The following TRIM77 variants were observed in gnomAD, a reference collection of about 807,000 sequenced individuals.
The protein encoded by TRIM77 is tripartite motif-containing protein 77.
In TRIM77, 23 loss-of-function variants were observed where a neutral mutation model predicts 31.8. That is an observed-to-expected ratio of 0.72 (90% confidence interval 0.52 to 1.02). The LOEUF (loss-of-function observed/expected upper bound fraction) is 1.02. Ranked by LOEUF, TRIM77 falls within the 50% of genes least tolerant of loss-of-function variation. The pLI is 0.00. For synonymous variants in TRIM77, 159 were observed against 183.1 expected (o/e 0.87, Z 1.06); for missense variants, 446 against 539.2 (o/e 0.83, Z 1.71).
Position 89,717,831 on chromosome 11 carries a change from T to C in TRIM77, c.1312T>C (p.Tyr438His). 2 of 1,548,882 alleles carry C rather than the reference T, an allele frequency of 1.3e-6. No individual in the cohort carries two copies. Among genetic ancestry groups the C allele is most frequent in the Non-Finnish European group, 1.7e-6 (2 of 1,145,602 alleles). The change falls in exon 6 of 6, where the codon TAT (tyrosine) becomes CAT (histidine). Residue 438 changes from tyrosine (Y) to histidine (H), a missense_variant. By Grantham distance (83) the Tyr-to-His change is moderately conservative. Transcript: ENST00000398290. ...TTGTAGTTTCCTCTCACGCATCTTC[T>C]ATTTTCCTCTCAGACCTTTCATTTG... ...LICSFLSRIFYFPLRPFICHG... is the reference protein window; with the variant it reads ...LICSFLSRIFHFPLRPFICHG...
rs535496563 is a variant in TRIM77 at position 89,712,973 on chromosome 11, A to C, written c.508-1219A>C. On this transcript the variant is annotated intron_variant, in intron 2 of 5. Transcript: ENST00000398290. ...AAGGTGGTATGGAAAGAAGGGAAAAACTGTGAAAAAGTAATTGAGGTCCGG... is the reference window on the plus strand; with the variant it reads ...AAGGTGGTATGGAAAGAAGGGAAAACCTGTGAAAAAGTAATTGAGGTCCGG... Among the ~76,000 whole-genome samples, 11 of 152,212 alleles carry C rather than the reference A, an allele frequency of 7.2e-5. No individual in the cohort carries two copies. In the South Asian group the frequency reaches 2.3e-3, roughly 32 times the overall value.
chr11:89,713,143 G>T (rs577995022), intron 2 of TRIM77, among the ~76,000 whole-genome samples: 1 of 151,688 alleles, frequency 6.6e-6, no homozygotes, highest in Admixed American at 6.6e-5. Flanking sequence ...ATGGTGGTGT[G>T]CGCCTGTAGT....
chr11:89,710,645 C>T lies in TRIM77; in HGVS notation c.347C>T (p.Ser116Phe). The T allele has an allele frequency of 6.4e-7, 1 of 1,551,002 alleles. No homozygotes were observed. Among genetic ancestry groups the T allele is most frequent in the Admixed American group, 2.0e-5 (1 of 50,956 alleles). Residue 116 changes from serine to phenylalanine, a missense_variant, in exon 1 of 6, where the codon TCT (serine) becomes TTT (phenylalanine). This residue lies in a region of TRIM77 where 366 missense variants were observed against 447.9 expected (regional missense o/e 0.82). Coordinates refer to ENST00000398290, the MANE Select transcript of TRIM77 (RefSeq NM_001146162.1). ...AGGAGCCTGCTGTGTTTTCTATGCT[C>T]TCAATCCCCAAGGCATGCTACTCAC... is the stretch of plus-strand genomic sequence containing the variant. ...TDRSLLCFLC[S>F]QSPRHATHKH...
At chr11:89,715,093 T>C (rs915873417) in intron 3 of TRIM77, 65 bp from the exon 4 acceptor site, 2 of 1,480,804 alleles carry the variant, frequency 1.4e-6, no homozygotes, top group Non-Finnish European at 1.8e-6. Context: ...TCAGACTGCA[T>C]GTCTAGGATA....
chr11:89,710,880 G>A (rs1406264573), intron 1 of TRIM77, among the ~76,000 whole-genome samples, 171 bp downstream of exon 1: 2 of 152,168 alleles, frequency 1.3e-5, no homozygotes, highest in Non-Finnish European at 2.9e-5. Context: ...ATAAAGCACT[G>A]AAGAAACCAA....
In TRIM77 at chr11:89,715,026, C is replaced by T. The variant is rs1021807806; in HGVS notation, c.739-132C>T. The T allele has an allele frequency of 5.2e-6, 4 of 770,116 alleles. No individual in the cohort carries two copies. In the African/African-American group the frequency reaches 5.3e-5, roughly 10 times the overall value. 47.7% of individuals were successfully genotyped at this position (770,116 alleles called of 1,614,324 possible). A position where few individuals can be genotyped will look rare whatever the true frequency, so the allele number is the denominator to read the frequency against. On this transcript the variant is annotated intron_variant, in intron 3 of 5. Coordinates refer to ENST00000398290, the MANE Select transcript of TRIM77 (RefSeq NM_001146162.1). ...ATAAAGAAAAAGAAAATGAAAAATG[C>T]CTTTATCCAAAGAAGGAAAGTGGAA...
chr11:89,717,310 C>T, intron 5 of TRIM77, 69 bp from the exon 6 acceptor site: 1 of 1,382,974 alleles, frequency 7.2e-7, no homozygotes, highest in Non-Finnish European at 9.6e-7. Context: ...ATTTGCCAGA[C>T]TGCCTCTGCA....
chr11:89,715,282 T>G, intron 4 of TRIM77, 102 bp downstream of exon 4: 1 of 1,093,828 alleles, frequency 9.1e-7, no homozygotes, highest in Non-Finnish European at 1.4e-6. Flanking sequence ...CTGTCTGTAT[T>G]TATTCCTTTC....
intron 5 of TRIM77, 132 bp downstream of exon 5, chr11:89,716,119 C>A (rs185955129): frequency 1.0e-4 from 46 of 462,028 alleles, no homozygotes; most frequent in African/African-American, 6.0e-4. Flanking sequence ...AATATGGAAA[C>A]CTTTATAACC....
chr11:89,710,943 A>G (rs576538803), intron 1 of TRIM77, among the ~76,000 whole-genome samples: 2 of 152,306 alleles, frequency 1.3e-5, no homozygotes, highest in Non-Finnish European at 2.9e-5. Flanking sequence ...GAGAAGAATG[A>G]TGATAAAGTT....
At chr11:89,713,321 C>T (rs531167945) in intron 2 of TRIM77, among the ~76,000 whole-genome samples, 125 of 146,756 alleles carry the variant, frequency 8.5e-4, no homozygotes, top group African/African-American at 3.0e-3. Context: ...CCTGGCATGG[C>T]GGCATGTGTC....
chr11:89,710,456 C>G lies in TRIM77; in HGVS notation c.158C>G (p.Pro53Arg), dbSNP rs767798588. The change falls in exon 1 of 6, where the codon CCT (proline) becomes CGT (arginine). Residue 53 changes from proline to arginine, a missense_variant. This residue lies in a region of TRIM77 where 72 missense variants were observed against 64.7 expected (regional missense o/e 1.11). Coordinates refer to ENST00000398290, the MANE Select transcript of TRIM77 (RefSeq NM_001146162.1). ...WEDTLTPNCC[P>R]VCREISQQMY... is the part of the protein sequence containing the mutation. ...GATACACTAACTCCTAATTGCTGCC[C>G]TGTGTGCAGGGAAATATCACAGCAA... 21 of 1,551,672 alleles carry G rather than the reference C, an allele frequency of 1.4e-5. No individual in the cohort carries two copies. The highest frequency in any genetic ancestry group is 1.7e-5 in the Non-Finnish European group (20 of 1,146,948).
In TRIM77 at chr11:89,717,367, C is replaced by A; in HGVS notation, c.860-12C>A. ...ACTGTTTTTTTGCATTCACTGTTTT[C>A]TTTTGCCATAGTGTATATCACCTTG... On this transcript the variant is annotated splice_polypyrimidine_tract_variant and intron_variant, in intron 5 of 5. Transcript: ENST00000398290. 1 of 1,518,078 alleles carries A rather than the reference C, an allele frequency of 6.6e-7. No homozygotes were observed. The highest frequency in any genetic ancestry group is 8.9e-7 in the Non-Finnish European group (1 of 1,129,566). 94.0% of individuals were successfully genotyped at this position (1,518,078 alleles called of 1,614,324 possible).
intron 5 of TRIM77, among the ~76,000 whole-genome samples, chr11:89,716,783 A>T (rs1407750461): frequency 6.6e-6 from 1 of 152,168 alleles, no homozygotes; most frequent in Non-Finnish European, 1.5e-5. Context: ...ATTGTTTAGG[A>T]CTAATAATGA....
chr11:89,712,654 T>C (rs1949130225), intron 2 of TRIM77, among the ~76,000 whole-genome samples: 2 of 152,058 alleles, frequency 1.3e-5, no homozygotes, highest in South Asian at 2.1e-4. Flanking sequence ...AAGGAATAAG[T>C]AGAAAATGGT....
At chr11:89,712,866 C>T (rs1474302087) in intron 2 of TRIM77, among the ~76,000 whole-genome samples, 1 of 152,026 alleles carries the variant, frequency 6.6e-6, no homozygotes, top group Non-Finnish European at 1.5e-5. Context: ...AATGTTTTAG[C>T]AAGAGAAGCT....
rs1249568761 is a variant in TRIM77 at position 89,714,325 on chromosome 11, G to C, written c.641G>C (p.Arg214Thr). 6.4e-7 allele frequency: 1 copy of C among 1,551,732 alleles called. No individual in the cohort carries two copies. Among genetic ancestry groups the C allele is most frequent in the Non-Finnish European group, 8.7e-7 (1 of 1,147,010 alleles). ...EGRIIFQQLKRSQTRMAKMGI... is the reference protein window; with the variant it reads ...EGRIIFQQLKTSQTRMAKMGI... The stretch of plus-strand genomic sequence containing the variant: ...AGGATAATTTTTCAGCAACTCAAGA[G>C]AAGTCAAACTAGAATGGCTAAGATG... The change falls in exon 3 of 6, where the codon AGA becomes ACA. Residue 214 changes from arginine to threonine, a missense_variant. Physicochemically the swap from Arg to Thr is moderately conservative, Grantham distance 71 (BLOSUM62 -1). Transcript: ENST00000398290.
rs1320826652 is a variant in TRIM77 at position 89,714,219 on chromosome 11, A to T, written c.535A>T (p.Ile179Phe). The T allele has an allele frequency of 1.3e-6, 2 of 1,550,950 alleles. No individual in the cohort carries two copies. The highest frequency in any genetic ancestry group is 2.4e-5 in the South Asian group (2 of 83,838). The change falls in exon 3 of 6, where the codon ATC becomes TTC. Residue 179 changes from isoleucine (I) to phenylalanine (F), a missense_variant. By Grantham distance (21) the Ile-to-Phe change is conservative. Around this residue, in one of 3 missense-constraint regions of TRIM77, gnomAD observed 366 missense variants for 447.9 expected, o/e 0.82. Transcript: ENST00000398290. ...TTTTATAAATTTGCGGAGCATGATG[A>T]TCAGTGCTGAATATCCTAAGGTGTG... Reference protein sequence around the residue: ...EVFINLRSMMISAEYPKVCQY... With the variant: ...EVFINLRSMMFSAEYPKVCQY...
intron 2 of TRIM77, among the ~76,000 whole-genome samples, chr11:89,711,826 G>A (rs1591484003): frequency 6.6e-6 from 1 of 152,106 alleles, no homozygotes; most frequent in East Asian, 1.9e-4. Flanking sequence ...TAGCAGACAT[G>A]AAATGCTAAA....
Sources: allele counts gnomAD v4.1 joint callset (sites outside exome capture counted in the v4.1 genomes callset), GRCh38; gene constraint gnomAD v4.1.1; regional missense constraint gnomAD v4.1.1; transcripts MANE v1.5; gene names NCBI Gene and HGNC (gene_info 2026-07-23, HGNC 2026-07-21).